PCDHGB2: variants seen among roughly 807,000 people sequenced by gnomAD.
PCDHGB2 encodes protocadherin gamma-B2.
A neutral mutation model predicts 59.3 loss-of-function variants in PCDHGB2; 55 were observed. The ratio of observed to expected loss-of-function variants is 0.93; its 90% CI spans 0.75 to 1.16. The LOEUF (loss-of-function observed/expected upper bound fraction) is 1.16, where lower values mean the gene tolerates loss of function less well. Among genes scored for constraint, PCDHGB2 ranks in the 50% most tolerant of loss-of-function variants. PCDHGB2 has a pLI of 0.00. For missense variants in PCDHGB2, 1,228 were observed against 1,198.5 expected (o/e 1.02, Z -0.36); for synonymous variants, 516 against 512.0 (o/e 1.01, Z -0.11).
intron 1 of PCDHGB2, chr5:141,420,319 G>T (rs1393746531): frequency 7.0e-7 from 1 of 1,437,422 alleles, no homozygotes; most frequent in African/African-American, 1.4e-5. Context: ...ATTACAATAT[G>T]CCAATATATT....
chr5:141,501,182 C>A (rs531641143), intron 2 of PCDHGB2, among the ~76,000 whole-genome samples: 1 of 152,126 alleles, frequency 6.6e-6, no homozygotes, highest in Non-Finnish European at 1.5e-5. Context: ...TACATTTTAA[C>A]ACAATTAAAT....
intron 1 of PCDHGB2, chr5:141,404,242 G>T (rs372976589): frequency 1.2e-6 from 2 of 1,613,462 alleles, no homozygotes; most frequent in Non-Finnish European, 1.7e-6. Flanking sequence ...GAGGAACTCC[G>T]CCCCTGTCCA....
chr5:141,367,002 T>A (rs1764897484), intron 1 of PCDHGB2: 3 of 451,252 alleles, frequency 6.6e-6, no homozygotes. Context: ...TATAATCATT[T>A]TACCCAAATA....
intron 1 of PCDHGB2, chr5:141,441,758 C>T: frequency 2.6e-6 from 1 of 382,050 alleles, no homozygotes. Context: ...TCAACGTGAG[C>T]CTGCGCGTGT....
At chr5:141,408,645 C>T (rs763904747) in intron 1 of PCDHGB2, 10 of 1,613,890 alleles carry the variant, frequency 6.2e-6, no homozygotes, top group Non-Finnish European at 8.5e-6. Flanking sequence ...TCTGCATCCG[C>T]TGGTACACGA....
At chr5:141,456,702 C>T (rs1185842343) in intron 1 of PCDHGB2, among the ~76,000 whole-genome samples, 1 of 152,062 alleles carries the variant, frequency 6.6e-6, no homozygotes, top group Non-Finnish European at 1.5e-5. Flanking sequence ...TGGTGGCTCG[C>T]GCCTGTAATC....
intron 1 of PCDHGB2, chr5:141,440,564 A>T (rs531383065): frequency 1.3e-5 from 2 of 152,248 alleles, no homozygotes; most frequent in Non-Finnish European, 2.9e-5. Context: ...TAAGTTACGT[A>T]TCTCTGAGTT....
intron 2 of PCDHGB2, 91 bp from the exon 3 acceptor site, chr5:141,505,302 G>T: frequency 6.3e-7 from 1 of 1,592,714 alleles, no homozygotes; most frequent in Non-Finnish European, 8.5e-7. Context: ...TAGGGTTAGG[G>T]TACTAGGTTT....
At chr5:141,463,803 A>G (rs975202568) in intron 1 of PCDHGB2, among the ~76,000 whole-genome samples, 1 of 152,150 alleles carries the variant, frequency 6.6e-6, no homozygotes, top group Non-Finnish European at 1.5e-5. Flanking sequence ...AATGTCTAAA[A>G]GCTTTTATCA....
At chr5:141,421,225 G>A in intron 1 of PCDHGB2, 1 of 1,584,302 alleles carries the variant, frequency 6.3e-7, no homozygotes. Flanking sequence ...CTTAGAGCCT[G>A]CCATGGCGAA....
At chr5:141,467,604 CT>C (rs2099147202) in intron 1 of PCDHGB2, among the ~76,000 whole-genome samples, 1 of 152,204 alleles carries the variant, frequency 6.6e-6, no homozygotes, top group Non-Finnish European at 1.5e-5. Context: ...AGCACTTCAT[CT>C]TTGTCCCAGT....
chr5:141,511,230 C>A lies in PCDHGB2; in HGVS notation c.*57C>A. On this transcript the variant is annotated 3_prime_UTR_variant, in exon 4 of 4. Transcript: ENST00000522605. ...CCTCTCCCCAACCAGCCCAGCTTCT[C>A]CTTACCTGCACCCAGGCCTCAGAGT... 6.3e-7 allele frequency: 1 copy of A among 1,597,914 alleles called. No homozygotes were observed. The highest frequency in any genetic ancestry group is 1.1e-5 in the South Asian group (1 of 89,144).
At chr5:141,380,946 C>T (rs555019785) in intron 1 of PCDHGB2, among the ~76,000 whole-genome samples, 2 of 152,210 alleles carry the variant, frequency 1.3e-5, no homozygotes, top group African/African-American at 2.4e-5. Flanking sequence ...CTTGCCTCAA[C>T]AAGAAGTTCA....
At chr5:141,452,016 A>G (rs988436326) in intron 1 of PCDHGB2, among the ~76,000 whole-genome samples, 5 of 152,084 alleles carry the variant, frequency 3.3e-5, no homozygotes, top group Non-Finnish European at 5.9e-5. Flanking sequence ...TCCAGCCCAC[A>G]CTCTGGGGAG....
intron 1 of PCDHGB2, chr5:141,422,129 A>T: frequency 6.3e-7 from 1 of 1,599,702 alleles, no homozygotes; most frequent in East Asian, 2.2e-5. Flanking sequence ...CAAACTGGAG[A>T]AGTTCAAGTA....
intron 1 of PCDHGB2, chr5:141,492,013 T>G: frequency 1.6e-6 from 1 of 610,970 alleles, no homozygotes; most frequent in Non-Finnish European, 2.7e-6. Context: ...TCCGCGGGTG[T>G]CGGGGGTCCC....
At position 141,472,368 on chromosome 5, in the gene PCDHGB2, C is replaced by T. The variant is rs555805048; in HGVS notation, c.2422-22439C>T. ...CATCCTGGCTAACACGGTGAAACCC[C>T]GTCTCCACTAAAAATAGAAAAAATT... is the stretch of plus-strand genomic sequence containing the variant. On this transcript the variant is annotated intron_variant, in intron 1 of 3. Transcript: ENST00000522605. Among the ~76,000 whole-genome samples, 214 of 152,012 alleles carry T rather than the reference C, an allele frequency of 1.4e-3. 1 individual carries two copies. The highest frequency in any genetic ancestry group is 4.8e-3 in the African/African-American group (199 of 41,452).
chr5:141,377,009 G>A (rs1392243564), intron 1 of PCDHGB2: 2 of 155,212 alleles, frequency 1.3e-5, no homozygotes, highest in Non-Finnish European at 2.9e-5. Flanking sequence ...TTTATTGGTT[G>A]ACAGGAAAAT....
Position 141,446,243 on chromosome 5 carries a change from C to T in PCDHGB2, c.2422-48564C>T, listed in dbSNP as rs552551215. Among the ~76,000 whole-genome samples, 23 of 152,096 alleles carry T rather than the reference C, an allele frequency of 1.5e-4. 1 individual carries two copies. The South Asian group carries it at 4.6e-3, about 30-fold the overall frequency. On this transcript the variant is annotated intron_variant, in intron 1 of 3. Coordinates refer to ENST00000522605, the MANE Select transcript of PCDHGB2 (RefSeq NM_018923.3). ...TTGTGTTGCCTGGCAAGTGGTAGAT[C>T]TTCAGTGAAATATTATTAACTGAAT...
Sources: allele counts gnomAD v4.1 joint callset (sites outside exome capture counted in the v4.1 genomes callset), GRCh38; gene constraint gnomAD v4.1.1; transcripts MANE v1.5; gene names NCBI Gene and HGNC (gene_info 2026-07-23, HGNC 2026-07-21).